MSRA: variants seen among roughly 807,000 people sequenced by gnomAD.
MSRA encodes the protein methionine sulfoxide reductase A, also known as mitochondrial peptide methionine sulfoxide reductase.
A neutral mutation model predicts 31.3 loss-of-function variants in MSRA; 54 were observed. The ratio of observed to expected loss-of-function variants is 1.73; its 90% CI spans 1.39 to 2.17. MSRA has a LOEUF of 2.17. MSRA is among the 30% of genes most tolerant of loss of function. MSRA has a pLI of 0.00. For missense variants in MSRA, 507 were observed against 300.9 expected (o/e 1.69, Z -5.07); for synonymous variants, 169 against 116.5 (o/e 1.45, Z -2.90).
At chr8:10,325,681 G>A (rs4577961) in intron 5 of MSRA, among the ~76,000 whole-genome samples, 41,089 of 152,096 alleles carry the variant, frequency 0.27, 6,043 homozygotes, top group East Asian at 0.39. Flanking sequence ...CTTTGATACC[G>A]TAAAGAGGTT....
rs528809301 is a variant in MSRA, at chr8:10,251,571, G to C, written c.331+6348G>C. ...TGGACCTTAAACTTGTAGCAGGCAG[G>C]ATAAAAACGCTTATCTCTCTCAAAC... On this transcript the variant is annotated intron_variant, in intron 3 of 5. Coordinates refer to ENST00000317173, the MANE Select transcript of MSRA (RefSeq NM_012331.5). 2.0e-5 allele frequency among the ~76,000 whole-genome samples: 3 copies of C among 152,168 alleles called. No individual in the cohort carries two copies. The East Asian group carries it at 5.8e-4, about 29-fold the overall frequency.
chr8:10,249,776 C>A (rs1797822002), intron 3 of MSRA, among the ~76,000 whole-genome samples: 1 of 152,136 alleles, frequency 6.6e-6, no homozygotes, highest in Admixed American at 6.5e-5. Context: ...GTCTTAGTGG[C>A]CACTGTTTTG....
intron 1 of MSRA, among the ~76,000 whole-genome samples, chr8:10,093,258 T>C (rs1274173755): frequency 6.6e-6 from 1 of 152,186 alleles, no homozygotes; most frequent in Non-Finnish European, 1.5e-5. Flanking sequence ...GTCTTTTTTG[T>C]TCTTCTGTTA....
chr8:10,141,057 G>C (rs1259195828), intron 1 of MSRA, among the ~76,000 whole-genome samples: 2 of 152,184 alleles, frequency 1.3e-5, no homozygotes, highest in African/African-American at 4.8e-5. Context: ...CAGATGCAGT[G>C]AGTTGTAGAG....
chr8:10,325,384 T>C (rs919416098), intron 5 of MSRA, among the ~76,000 whole-genome samples: 14 of 152,098 alleles, frequency 9.2e-5, no homozygotes, highest in Admixed American at 2.0e-4. Context: ...GTAATACTGT[T>C]AGAACAGCAA....
chr8:10,125,518 G>A (rs1211227775), intron 1 of MSRA, among the ~76,000 whole-genome samples: 4 of 152,296 alleles, frequency 2.6e-5, no homozygotes, highest in African/African-American at 7.2e-5. Context: ...GCAACTGGAC[G>A]GAAGAAGCAC....
At chr8:10,371,133 G>A (rs1805451337) in intron 5 of MSRA, among the ~76,000 whole-genome samples, 1 of 152,224 alleles carries the variant, frequency 6.6e-6, no homozygotes, top group Non-Finnish European at 1.5e-5. Context: ...CATGATAGAT[G>A]ATTAGGGAAA....
At chr8:10,352,939 C>T (rs372973397) in intron 5 of MSRA, among the ~76,000 whole-genome samples, 1 of 152,134 alleles carries the variant, frequency 6.6e-6, no homozygotes, top group South Asian at 2.1e-4. Context: ...AGCCCACTTG[C>T]AATCTCTCCA....
At chr8:10,172,225 C>T (rs1157727096) in intron 1 of MSRA, among the ~76,000 whole-genome samples, 4 of 152,078 alleles carry the variant, frequency 2.6e-5, no homozygotes, top group Non-Finnish European at 5.9e-5. Context: ...TGTGTGTCAC[C>T]CTGCATGGGG....
chr8:10,392,890 C>A (rs141225753), intron 5 of MSRA, among the ~76,000 whole-genome samples: 30 of 113,264 alleles, frequency 2.6e-4, no homozygotes, highest in East Asian at 1.1e-3. Flanking sequence ...ACTAAAAATG[C>A]AAAAAAAAAA....
At chr8:10,402,794 C>T (rs994587334) in intron 5 of MSRA, among the ~76,000 whole-genome samples, 38 of 152,184 alleles carry the variant, frequency 2.5e-4, no homozygotes, top group Admixed American at 2.5e-3. Context: ...ATTTGCTTTG[C>T]AATGTGGAAT....
intron 1 of MSRA, among the ~76,000 whole-genome samples, chr8:10,123,420 C>G (rs1437521833): frequency 1.3e-5 from 2 of 152,056 alleles, no homozygotes; most frequent in Non-Finnish European, 2.9e-5. Context: ...GATACTAGAC[C>G]TTTGTCAAAT....
At chr8:10,251,467 A>T (rs1267719734) in intron 3 of MSRA, among the ~76,000 whole-genome samples, 1 of 152,182 alleles carries the variant, frequency 6.6e-6, no homozygotes, top group Non-Finnish European at 1.5e-5. Flanking sequence ...ATACTCCTGA[A>T]AATGCAAGAA....
At chr8:10,200,138 C>T (rs944636424) in intron 1 of MSRA, among the ~76,000 whole-genome samples, 1 of 152,190 alleles carries the variant, frequency 6.6e-6, no homozygotes, top group African/African-American at 2.4e-5. Context: ...CCATTACCAG[C>T]CGGGAGGTGT....
rs576246271 is a variant in MSRA, at chr8:10,413,523, C to T, written c.544-14625C>T. On this transcript the variant is annotated intron_variant, in intron 5 of 5. Transcript: ENST00000317173. ...AAAAATATGTAACAAAGAAACATGA[C>T]GGTATCCGTTACTAAACAAAGACTT... 4.6e-5 allele frequency among the ~76,000 whole-genome samples: 7 copies of T among 152,038 alleles called. No individual in the cohort carries two copies. The East Asian group carries it at 7.7e-4, about 17-fold the overall frequency.
intron 5 of MSRA, among the ~76,000 whole-genome samples, chr8:10,360,195 C>A (rs933103385): frequency 6.6e-6 from 1 of 152,190 alleles, no homozygotes; most frequent in African/African-American, 2.4e-5. Flanking sequence ...CCACTGTTGT[C>A]AAAATGGCTG....
intron 3 of MSRA, among the ~76,000 whole-genome samples, chr8:10,267,759 A>G (rs1039691090): frequency 3.9e-4 from 60 of 152,282 alleles, no homozygotes; most frequent in African/African-American, 1.4e-3. Flanking sequence ...CAGAAGGGGA[A>G]GAGTATCCTT....
intron 1 of MSRA, among the ~76,000 whole-genome samples, chr8:10,129,060 C>T (rs762000827): frequency 1.6e-4 from 24 of 152,172 alleles, no homozygotes; most frequent in African/African-American, 2.4e-4. Context: ...CTCAACTCTT[C>T]GCAGTTCTAT....
intron 1 of MSRA, among the ~76,000 whole-genome samples, chr8:10,161,988 C>G (rs937239107): frequency 6.6e-6 from 1 of 152,168 alleles, no homozygotes; most frequent in African/African-American, 2.4e-5. Flanking sequence ...GTGCGGATCC[C>G]AGCTCGCAGC....
Sources: gnomAD v4.1 joint callset for allele counts (sites outside exome capture counted in the v4.1 genomes callset) on GRCh38, gnomAD v4.1.1 for gene constraint, MANE v1.5 for transcripts, NCBI Gene and HGNC (gene_info 2026-07-23, HGNC 2026-07-21) for gene names.